KIAA0586: variants seen among roughly 807,000 people sequenced by gnomAD.
KIAA0586 encodes protein TALPID3.
Under a neutral mutation model 169.8 loss-of-function variants are expected in KIAA0586, and 144 were observed. That is an observed-to-expected ratio of 0.85 (90% CI 0.74 to 0.97). The LOEUF is 0.97. KIAA0586 is among the 50% of genes least tolerant of loss of function. KIAA0586 has a pLI of 0.00. For synonymous variants in KIAA0586, 625 were observed against 612.4 expected, an observed-to-expected ratio of 1.02 and a Z score of -0.30; for missense variants, 1,854 against 1,823.0, an observed-to-expected ratio of 1.02 and a Z score of -0.31.
rs1743701 is a variant in KIAA0586 at position 58,491,884 on chromosome 14, T to G, written c.3859-260T>G. ...AGTAGCTCAACTGTGTGGGACAGAC[T>G]GTTTGATTTTTATGTTTTTATAATC... On this transcript the variant is annotated intron_variant, in intron 25 of 30. Transcript: ENST00000652326. 1 allele frequency among the ~76,000 whole-genome samples: 151,850 copies of G among 152,304 alleles called. 75,701 individuals carry two copies. The highest frequency in any genetic ancestry group is 1 in the Middle Eastern group (294 of 294).
chr14:58,489,530 A>T (rs1157097666), intron 24 of KIAA0586, among the ~76,000 whole-genome samples: 30 of 148,688 alleles, frequency 2.0e-4, no homozygotes, highest in Admixed American at 1.9e-3. Flanking sequence ...TGAAACCTGA[A>T]TTTTTTTTTT....
At chr14:58,469,537 G>A (rs2041038993) in intron 16 of KIAA0586, among the ~76,000 whole-genome samples, 2 of 152,164 alleles carry the variant, frequency 1.3e-5, no homozygotes, top group South Asian at 4.1e-4. Flanking sequence ...AATGTGTATT[G>A]AACGAATGAG....
chr14:58,510,153 G>A (rs750706360), intron 28 of KIAA0586, among the ~76,000 whole-genome samples: 3 of 152,082 alleles, frequency 2.0e-5, no homozygotes, highest in South Asian at 2.1e-4. Flanking sequence ...GGTGGATCAC[G>A]AGGTCAAGAG....
At chr14:58,453,777 G>A (rs758629537) in intron 9 of KIAA0586, among the ~76,000 whole-genome samples, 19 of 152,078 alleles carry the variant, frequency 1.2e-4, no homozygotes, top group Non-Finnish European at 2.1e-4. Flanking sequence ...TAAGTTGGGA[G>A]TATAGATAAA....
At position 58,428,184 on chromosome 14, in the gene KIAA0586, G is replaced by C; in HGVS notation, c.-81G>C. Reference sequence around the variant, plus strand: ...TTAAAAACAGTTATTGCAAAGAGGTGAAAATTTTGTTCTGAAGTCTTAAGG... The same window carrying C: ...TTAAAAACAGTTATTGCAAAGAGGTCAAAATTTTGTTCTGAAGTCTTAAGG... On this transcript the variant is annotated 5_prime_UTR_variant, in exon 1 of 31. The change abolishes the stop of an existing upstream ORF in the 5' untranslated region. Transcript: ENST00000652326. 1 of 1,518,044 alleles carries C rather than the reference G, an allele frequency of 6.6e-7. No individual in the cohort carries two copies. The highest frequency in any genetic ancestry group is 8.8e-7 in the Non-Finnish European group (1 of 1,136,334). 94.0% of individuals were successfully genotyped at this position (1,518,044 alleles called of 1,614,324 possible). A position where few individuals can be genotyped will look rare whatever the true frequency, so the allele number is the denominator to read the frequency against.
At chr14:58,455,142 A>G (rs2039710778) in intron 9 of KIAA0586, among the ~76,000 whole-genome samples, 1 of 152,164 alleles carries the variant, frequency 6.6e-6, no homozygotes, top group Non-Finnish European at 1.5e-5. Context: ...TATACATTTC[A>G]GTTGTTATAT....
rs145713282 is a variant in KIAA0586, at chr14:58,487,483, G to A, written c.3304+317G>A. ...TAGCCAGGTGTGTTGGCACGTGCCT[G>A]TAATCCCAGCTACTCAGGAGGCTGA... On this transcript the variant is annotated intron_variant, in intron 22 of 30. Coordinates refer to ENST00000652326, the MANE Select transcript of KIAA0586 (RefSeq NM_001329943.3). Among the ~76,000 whole-genome samples the A allele has an allele frequency of 6.9e-4, 105 of 152,092 alleles. 1 individual carries two copies. Among genetic ancestry groups the A allele is most frequent in the Middle Eastern group, 6.8e-3 (2 of 294 alleles).
Position 58,549,054 on chromosome 14 carries a change from T to A in KIAA0586, c.*1122T>A, listed in dbSNP as rs1405923236. ...GTGTTGTTCTTATTATCTTGAGGGA[T>A]TTCAGTACTGTATAGTAGAGGGCAT... is the stretch of plus-strand genomic sequence containing the variant. On this transcript the variant is annotated 3_prime_UTR_variant, in exon 31 of 31. Transcript: ENST00000652326. 1 of 152,140 alleles carries A rather than the reference T, an allele frequency of 6.6e-6. No homozygotes were observed. Among genetic ancestry groups the A allele is most frequent in the Admixed American group, 6.6e-5 (1 of 15,266 alleles). The allele number at this position is 152,140 out of a possible 1,614,324, so 9.4% of individuals were successfully genotyped here. A position where few individuals can be genotyped will look rare whatever the true frequency, so the allele number is the denominator to read the frequency against.
intron 29 of KIAA0586, among the ~76,000 whole-genome samples, chr14:58,519,546 C>A (rs529035543): frequency 1.3e-5 from 2 of 152,286 alleles, no homozygotes; most frequent in Non-Finnish European, 2.9e-5. Flanking sequence ...TGCTCCTTTC[C>A]TTGTGTAATA....
chr14:58,484,691 C>T lies in KIAA0586; in HGVS notation c.3144+1979C>T, dbSNP rs900144293. On this transcript the variant is annotated intron_variant, in intron 21 of 30. Transcript: ENST00000652326. Reference sequence around the variant, plus strand: ...TTATGCAGTCAAGAAGAAAAAAAGACATAGTGTACTTCTTTCATTTTAAAA... The same window carrying T: ...TTATGCAGTCAAGAAGAAAAAAAGATATAGTGTACTTCTTTCATTTTAAAA... Among the ~76,000 whole-genome samples the T allele has an allele frequency of 1.2e-4, 18 of 150,076 alleles. No homozygotes were observed. In the Admixed American group the frequency reaches 1.2e-3, roughly 10 times the overall value.
chr14:58,498,975 A>AT lies in KIAA0586; in HGVS notation c.4168+21dup. The AT allele has an allele frequency of 6.4e-7, 1 of 1,572,590 alleles. No homozygotes were observed. The highest frequency in any genetic ancestry group is 8.6e-7 in the Non-Finnish European group (1 of 1,158,358). On this transcript the variant is annotated intron_variant, in intron 27 of 30. Transcript: ENST00000652326. Reference sequence around the variant, plus strand: ...CACAGTTTCAGGTAGACACCAAAATATTTTTTCTTGATGTGTCATAGTAGT... The same window carrying AT: ...CACAGTTTCAGGTAGACACCAAAATATTTTTTTCTTGATGTGTCATAGTAGT...
intron 29 of KIAA0586, among the ~76,000 whole-genome samples, chr14:58,538,966 G>A (rs569245230): frequency 6.6e-6 from 1 of 152,154 alleles, no homozygotes; most frequent in South Asian, 2.1e-4. Context: ...TTTTTGTAGA[G>A]ACTAGGTCTA....
In KIAA0586 at chr14:58,472,201, T is replaced by G. The variant is rs1411355542; in HGVS notation, c.2556T>G (p.Thr852=). 1.3e-6 allele frequency: 2 copies of G among 1,554,874 alleles called. No homozygotes were observed. The highest frequency in any genetic ancestry group is 1.7e-6 in the Non-Finnish European group (2 of 1,151,412). ...SLPPVQTWIK[T]PEIMKVDEEE... Reference sequence around the variant, plus strand: ...ACTTTCTGAAAATGCTTTCTTAGACTCCAGAAATTATGAAGGTAGATGAAG... The same window carrying G: ...ACTTTCTGAAAATGCTTTCTTAGACGCCAGAAATTATGAAGGTAGATGAAG... Residue 852 remains threonine, a splice_region_variant and synonymous_variant, in exon 18 of 31, where the codon ACT becomes ACG. Transcript: ENST00000652326.
Position 58,428,720 on chromosome 14 carries a change from G to A in KIAA0586, c.199+257G>A, listed in dbSNP as rs148863143. 3.1e-3 allele frequency among the ~76,000 whole-genome samples: 295 copies of A among 94,316 alleles called. 2 individuals are homozygous for A. The highest frequency in any genetic ancestry group is 7.8e-3 in the Admixed American group (63 of 8,102). 61.9% of individuals were successfully genotyped at this position (94,316 alleles called of 152,430 possible). A position where few individuals can be genotyped will look rare whatever the true frequency, so the allele number is the denominator to read the frequency against. ...TGCATATTTTTTTTTTTATATTTAT[G>A]GTGGATACACTTAACTTGTATAATG... On this transcript the variant is annotated intron_variant, in intron 1 of 30. Coordinates refer to ENST00000652326, the MANE Select transcript of KIAA0586 (RefSeq NM_001329943.3).
At chr14:58,501,550 G>A (rs746360783) in intron 27 of KIAA0586, among the ~76,000 whole-genome samples, 1 of 152,010 alleles carries the variant, frequency 6.6e-6, no homozygotes, top group Non-Finnish European at 1.5e-5. Flanking sequence ...TTAAATATCT[G>A]GTAACCCTAG....
intron 29 of KIAA0586, chr14:58,537,051 G>A: frequency 7.9e-7 from 1 of 1,268,860 alleles, no homozygotes; most frequent in Non-Finnish European, 1.0e-6. Context: ...ACAAACTTGA[G>A]AAGCAGTTTT....
rs531482009 is a variant in KIAA0586 at position 58,482,444 on chromosome 14, A to C, written c.2945-69A>C. 1.4e-5 allele frequency: 15 copies of C among 1,110,136 alleles called. No individual in the cohort carries two copies. In the South Asian group the frequency reaches 3.2e-4, roughly 24 times the overall value. The allele number at this position is 1,110,136 out of a possible 1,614,324, so 68.8% of individuals were successfully genotyped here. On this transcript the variant is annotated intron_variant, in intron 20 of 30. Transcript: ENST00000652326. ...ACGTCTCGAGAAAAATAATAATAAT[A>C]ATAATGAAAGTTTGAATTGCAAGCA...
intron 14 of KIAA0586, among the ~76,000 whole-genome samples, chr14:58,464,894 T>C (rs2040618323): frequency 6.6e-6 from 1 of 152,072 alleles, no homozygotes; most frequent in Non-Finnish European, 1.5e-5. Flanking sequence ...ATCGCGCTAC[T>C]CAGAACAGCG....
intron 20 of KIAA0586, 135 bp downstream of exon 20, chr14:58,477,376 C>T: frequency 1.7e-6 from 1 of 577,116 alleles, no homozygotes; most frequent in Non-Finnish European, 3.1e-6. Flanking sequence ...CTTCTTAGTA[C>T]TTCTTTGGTG....
Sources: allele counts gnomAD v4.1 joint callset (sites outside exome capture counted in the v4.1 genomes callset), GRCh38; gene constraint gnomAD v4.1.1; transcripts MANE v1.5; gene names NCBI Gene and HGNC (gene_info 2026-07-23, HGNC 2026-07-21).